The following GALNT14 variants were observed in gnomAD, a reference collection of about 807,000 sequenced individuals.
The protein encoded by GALNT14 is polypeptide N-acetylgalactosaminyltransferase 14, also known as UDP-GalNAc:polypeptide N-acetylgalactosaminyltransferase 14.
GALNT14 carries 60 observed loss-of-function variants against 77.5 expected under a neutral mutation model. The observed-to-expected ratio is 0.77, with a 90% CI of 0.63 to 0.96. The LOEUF (loss-of-function observed/expected upper bound fraction) is 0.96, where lower values mean the gene tolerates loss of function less well. Ranked by LOEUF, GALNT14 falls within the 40% of genes least tolerant of loss-of-function variation. The probability of loss-of-function intolerance (pLI) is 0.00; values close to 1 mark genes in which losing one functional copy is unlikely to be tolerated. For missense variants in GALNT14, 710 were observed against 731.0 expected (o/e 0.97, Z 0.33); for synonymous variants, 280 against 281.7 (o/e 0.99, Z 0.06).
chr2:30,914,586 C>T (rs1664562850), intron 13 of GALNT14, among the ~76,000 whole-genome samples: 1 of 152,026 alleles, frequency 6.6e-6, no homozygotes, highest in South Asian at 2.1e-4. Flanking sequence ...GAATGGAGGC[C>T]CACACTCCTG....
intron 1 of GALNT14, among the ~76,000 whole-genome samples, chr2:31,115,318 C>T (rs1490501681): frequency 1.3e-5 from 2 of 151,982 alleles, no homozygotes; most frequent in African/African-American, 4.8e-5. Flanking sequence ...GCCAAGTGTC[C>T]GAGGCAGATG....
intron 1 of GALNT14, among the ~76,000 whole-genome samples, chr2:31,066,077 G>C (rs1184681544): frequency 6.6e-6 from 1 of 152,210 alleles, no homozygotes; most frequent in Non-Finnish European, 1.5e-5. Context: ...ATGTGAGAGA[G>C]ATGAGATCAT....
chr2:31,033,076 A>G (rs1672510017), intron 1 of GALNT14, among the ~76,000 whole-genome samples: 2 of 152,150 alleles, frequency 1.3e-5, no homozygotes, highest in Admixed American at 1.3e-4. Flanking sequence ...CTGGAGAAGA[A>G]TCAAGCCTCC....
At chr2:31,050,269 A>G (rs1456956848) in intron 1 of GALNT14, among the ~76,000 whole-genome samples, 1 of 152,218 alleles carries the variant, frequency 6.6e-6, no homozygotes, top group Non-Finnish European at 1.5e-5. Flanking sequence ...TTTCCTGCAG[A>G]GTAAACAACT....
At chr2:31,028,440 C>G (rs1672206489) in intron 1 of GALNT14, among the ~76,000 whole-genome samples, 1 of 152,218 alleles carries the variant, frequency 6.6e-6, no homozygotes, top group South Asian at 2.1e-4. Flanking sequence ...TTCAGCCCTG[C>G]TGGGATGAGA....
intron 1 of GALNT14, among the ~76,000 whole-genome samples, chr2:31,065,686 T>A (rs1040655254): frequency 6.6e-6 from 1 of 152,178 alleles, no homozygotes; most frequent in African/African-American, 2.4e-5. Flanking sequence ...GAAAAAGTTA[T>A]GTGTGACTTG....
chr2:31,047,342 A>C (rs1673529247), intron 1 of GALNT14, among the ~76,000 whole-genome samples: 2 of 152,166 alleles, frequency 1.3e-5, no homozygotes, highest in Non-Finnish European at 2.9e-5. Flanking sequence ...TCCCTGGGGA[A>C]GTGGGTTATC....
chr2:31,090,674 G>T (rs1301855530), intron 1 of GALNT14, among the ~76,000 whole-genome samples: 1 of 151,698 alleles, frequency 6.6e-6, no homozygotes, highest in Non-Finnish European at 1.5e-5. Context: ...TAGAGACGGG[G>T]TTTCGCCATG....
At chr2:31,098,817 C>T (rs1457670267) in intron 1 of GALNT14, among the ~76,000 whole-genome samples, 1 of 152,062 alleles carries the variant, frequency 6.6e-6, no homozygotes, top group African/African-American at 2.4e-5. Context: ...TGTAGTCTTA[C>T]AACTAGTAAG....
chr2:31,011,747 C>T (rs1671043562), intron 1 of GALNT14, among the ~76,000 whole-genome samples: 1 of 152,206 alleles, frequency 6.6e-6, no homozygotes, highest in African/African-American at 2.4e-5. Flanking sequence ...GGCTCCTCAG[C>T]TCTGCCAGCC....
chr2:30,969,892 A>G (rs1668243450), intron 2 of GALNT14, among the ~76,000 whole-genome samples: 2 of 152,176 alleles, frequency 1.3e-5, no homozygotes, highest in Non-Finnish European at 2.9e-5. Context: ...CTAACATTCA[A>G]TACGCATGGT....
At chr2:31,079,818 G>A (rs559654073) in intron 1 of GALNT14, among the ~76,000 whole-genome samples, 1 of 152,300 alleles carries the variant, frequency 6.6e-6, no homozygotes, top group East Asian at 1.9e-4. Context: ...TCTGGGCAGA[G>A]TGTGGCTCAC....
chr2:31,071,837 T>G (rs1471877265), intron 1 of GALNT14, among the ~76,000 whole-genome samples: 1 of 152,180 alleles, frequency 6.6e-6, no homozygotes, highest in African/African-American at 2.4e-5. Context: ...AATGCAGGAT[T>G]CTTGCTCAGA....
intron 2 of GALNT14, 78 bp downstream of exon 2, chr2:30,992,760 T>A: frequency 1.3e-6 from 2 of 1,500,216 alleles, no homozygotes; most frequent in Non-Finnish European, 1.8e-6. Flanking sequence ...TGGTGCTGCA[T>A]ACAGCAGGCC....
In GALNT14 at chr2:31,046,461, G is replaced by A. The variant is rs182226088; in HGVS notation, c.130-53454C>T. On this transcript the variant is annotated intron_variant, in intron 1 of 14. Transcript: ENST00000349752. The stretch of plus-strand genomic sequence containing the variant: ...GCCAGGATGGTCTCGATCTCCTGAC[G>A]TCATGATCCACCCGCCTCGGCATCC... 3.6e-3 allele frequency among the ~76,000 whole-genome samples: 542 copies of A among 152,130 alleles called. 2 individuals are homozygous for A. The highest frequency in any genetic ancestry group is 7.3e-3 in the Admixed American group (112 of 15,274).
At chr2:30,963,224 T>C (rs961910632) in intron 3 of GALNT14, among the ~76,000 whole-genome samples, 2 of 152,084 alleles carry the variant, frequency 1.3e-5, no homozygotes, top group South Asian at 2.1e-4. Context: ...GAGTGCAGGG[T>C]TCCAGGGCCT....
rs191860826 is a variant in GALNT14 at position 31,135,112 on chromosome 2, A to G, written c.129+2846T>C. Among the ~76,000 whole-genome samples, 4 of 152,352 alleles carry G rather than the reference A, an allele frequency of 2.6e-5. No homozygotes were observed. The East Asian group carries it at 7.7e-4, about 29-fold the overall frequency. On this transcript the variant is annotated intron_variant, in intron 1 of 14. Coordinates refer to ENST00000349752, the MANE Select transcript of GALNT14 (RefSeq NM_024572.4). ...AAGAAAATCATTTGACCATATTTAC[A>G]TGCAGCCAACCAAACCACGATCAAC...
At chr2:31,071,275 G>C (rs887538982) in intron 1 of GALNT14, among the ~76,000 whole-genome samples, 1 of 152,168 alleles carries the variant, frequency 6.6e-6, no homozygotes, top group Non-Finnish European at 1.5e-5. Context: ...AAAAGAGAAA[G>C]TAGAACCAGG....
At chr2:30,912,909 G>A (rs1283425422) in intron 13 of GALNT14, among the ~76,000 whole-genome samples, 1 of 152,176 alleles carries the variant, frequency 6.6e-6, no homozygotes, top group Admixed American at 6.5e-5. Flanking sequence ...GAAGGGTCTA[G>A]GGAAAGAAGA....
Sources: allele counts gnomAD v4.1 joint callset (sites outside exome capture counted in the v4.1 genomes callset), GRCh38; gene constraint gnomAD v4.1.1; transcripts MANE v1.5; gene names NCBI Gene and HGNC (gene_info 2026-07-23, HGNC 2026-07-21).